The following GOLGA3 variants were observed in gnomAD, a reference collection of about 807,000 sequenced individuals.
GOLGA3 encodes golgin subfamily A member 3.
A neutral mutation model predicts 169.4 loss-of-function variants in GOLGA3; 75 were observed. The observed-to-expected ratio is 0.44, with a 90% confidence interval of 0.37 to 0.54. The LOEUF (loss-of-function observed/expected upper bound fraction) is 0.54, where lower values mean the gene tolerates loss of function less well. Among genes scored for constraint, GOLGA3 ranks in the 20% least tolerant of loss-of-function variants. GOLGA3 has a pLI of 0.00. For missense variants in GOLGA3, 1,899 were observed against 1,930.0 expected (o/e 0.98, Z 0.30); for synonymous variants, 824 against 822.4 (o/e 1.00, Z -0.03).
At chr12:132,819,654 G>A (rs77791445) in intron 2 of GOLGA3, among the ~76,000 whole-genome samples, 14,800 of 152,272 alleles carry the variant, frequency 0.097, 1,546 homozygotes, top group East Asian at 0.5. Context: ...GCCAGACCAC[G>A]GGCACCCGAC....
rs199612097 is a variant in GOLGA3, at chr12:132,801,735, G to C, written c.1800+32C>G. Reference sequence around the variant, plus strand: ...CGTTCTACATGAAGACAAGAAGCGTGACCTGCCCTGGAAGGTAGATGTGGG... The same window carrying C: ...CGTTCTACATGAAGACAAGAAGCGTCACCTGCCCTGGAAGGTAGATGTGGG... On this transcript the variant is annotated intron_variant, in intron 8 of 23. Coordinates refer to ENST00000450791, the MANE Select transcript of GOLGA3 (RefSeq NM_001389683.1). 1.0e-4 allele frequency: 161 copies of C among 1,581,596 alleles called. No individual in the cohort carries two copies. In the East Asian group the frequency reaches 3.5e-3, roughly 35 times the overall value.
chr12:132,787,505 AGC>A (rs1478814628), intron 13 of GOLGA3, among the ~76,000 whole-genome samples: 1 of 125,668 alleles, frequency 8.0e-6, no homozygotes. Context: ...CCTCCCCACA[AGC>A]CCCTGGATCC....
At chr12:132,780,178 C>G (rs2045513019) in intron 18 of GOLGA3, among the ~76,000 whole-genome samples, 1 of 146,646 alleles carries the variant, frequency 6.8e-6, no homozygotes, top group African/African-American at 2.5e-5. Flanking sequence ...GCACAGCCCC[C>G]CGCGTGCACA....
chr12:132,782,180 G>T, intron 17 of GOLGA3, 116 bp downstream of exon 17: 1 of 974,422 alleles, frequency 1.0e-6, no homozygotes, highest in Non-Finnish European at 1.6e-6. Context: ...CTCGGCTGCA[G>T]GCCGGGTGGG....
At chr12:132,773,432 G>GTTGC in intron 23 of GOLGA3, 138 bp from the exon 24 acceptor site, 1 of 451,690 alleles carries the variant, frequency 2.2e-6, no homozygotes, top group South Asian at 4.8e-5. Flanking sequence ...TGAGACCACA[G>GTTGC]AAGCTCAGCT....
rs756309528 is a variant in GOLGA3, at chr12:132,807,164, G to C, written c.1290+13C>G. On this transcript the variant is annotated intron_variant, in intron 6 of 23. Transcript: ENST00000450791. ...TTCGCCGCACGCTGAGATGTCAGTC[G>C]AACGTCCGTTACCTGACTCGCCTCC... 1 of 1,534,052 alleles carries C rather than the reference G, an allele frequency of 6.5e-7. No individual in the cohort carries two copies.
At position 132,804,305 on chromosome 12, in the gene GOLGA3, G is replaced by A. The variant is rs1411074776; in HGVS notation, c.1597+411C>T. ...ACTGGACTTTTGAGGCAGGATCACC[G>A]CAGATACTCCAGGGTCCAAGGTCAA... On this transcript the variant is annotated intron_variant, in intron 7 of 23. Transcript: ENST00000450791. This position sits in a 1 kb window ranked among gnomAD's most constrained non-coding sequence, Gnocchi z 4.1. Among the ~76,000 whole-genome samples, 2 of 152,174 alleles carry A rather than the reference G, an allele frequency of 1.3e-5. No individual in the cohort carries two copies. Among genetic ancestry groups the A allele is most frequent in the Non-Finnish European group, 2.9e-5 (2 of 68,034 alleles).
Position 132,788,031 on chromosome 12 carries a change from C to T in GOLGA3, c.2811+996G>A, listed in dbSNP as rs933777200. 2.4e-4 allele frequency among the ~76,000 whole-genome samples: 37 copies of T among 152,242 alleles called. 1 individual carries two copies. The highest frequency in any genetic ancestry group is 8.7e-4 in the African/African-American group (36 of 41,558). ...CTCCTGTGTGCGAGGCGAGTCCCCA[C>T]AACCAGCCCAGGCCTGCAGCTGTGG... On this transcript the variant is annotated intron_variant, in intron 13 of 23. Transcript: ENST00000450791.
intron 16 of GOLGA3, among the ~76,000 whole-genome samples, chr12:132,782,852 G>A (rs1245962076): frequency 1.3e-5 from 2 of 149,668 alleles, no homozygotes; most frequent in African/African-American, 4.9e-5. Context: ...CTCCAGCCTG[G>A]GCAACACAGC....
At chr12:132,796,249 GC>G in intron 10 of GOLGA3, 29 bp from the exon 11 acceptor site, 3 of 1,560,742 alleles carry the variant, frequency 1.9e-6, no homozygotes, top group Non-Finnish European at 2.6e-6. Flanking sequence ...CCACATGGCT[GC>G]GCCTGACCCT....
Position 132,798,472 on chromosome 12 carries a change from T to A in GOLGA3, c.1806A>T (p.Gly602=), listed in dbSNP as rs780229136. 2.9e-5 allele frequency: 46 copies of A among 1,589,678 alleles called. No homozygotes were observed. The highest frequency in any genetic ancestry group is 5.7e-5 in the Admixed American group (3 of 52,580). The change falls in exon 9 of 24, where the codon GGA becomes GGT. Residue 602 remains glycine (G), a synonymous_variant. Transcript: ENST00000450791. ...CCAGGAGACCTGCCTGGGTCATCTG[T>A]CCAACCTTAAAAAAAAAACCCACAA... ...LQGEMAHIQV[G]QMTQAGLLEH...
intron 7 of GOLGA3, among the ~76,000 whole-genome samples, chr12:132,802,350 A>G (rs1416361960): frequency 6.6e-6 from 1 of 150,688 alleles, no homozygotes; most frequent in Admixed American, 6.6e-5. Flanking sequence ...TCTCTAGGAA[A>G]TAACAGTGGC....
At chr12:132,816,939 A>G in intron 2 of GOLGA3, 127 bp from the exon 3 acceptor site, 1 of 903,252 alleles carries the variant, frequency 1.1e-6, no homozygotes, top group East Asian at 2.7e-5. Flanking sequence ...CTCATCCCAC[A>G]AAGGCTTCAC....
At position 132,783,671 on chromosome 12, in the gene GOLGA3, G is replaced by C. The variant is rs548138184; in HGVS notation, c.3267+493C>G. On this transcript the variant is annotated intron_variant, in intron 16 of 23. Transcript: ENST00000450791. ...TTGGCTCACTGCAACCTCCGCTCCT[G>C]GGTTCAAGCGGTTTACCTGCCTCAG... Among the ~76,000 whole-genome samples, 13 of 152,332 alleles carry C rather than the reference G, an allele frequency of 8.5e-5. No individual in the cohort carries two copies. The East Asian group carries it at 2.3e-3, about 27-fold the overall frequency.
At chr12:132,786,956 C>T (rs1203319538) in intron 13 of GOLGA3, among the ~76,000 whole-genome samples, 169 bp from the exon 14 acceptor site, 1 of 145,246 alleles carries the variant, frequency 6.9e-6, no homozygotes, top group Non-Finnish European at 1.5e-5. Flanking sequence ...ACAAACCACT[C>T]TTTTTTTTTT....
intron 13 of GOLGA3, among the ~76,000 whole-genome samples, chr12:132,788,800 T>A (rs968521): frequency 1.3e-4 from 20 of 152,174 alleles, no homozygotes; most frequent in African/African-American, 4.6e-4. Context: ...CCTGGACTTA[T>A]CAGGCCTCAC....
chr12:132,816,432 G>C, intron 3 of GOLGA3, 108 bp downstream of exon 3: 1 of 1,151,078 alleles, frequency 8.7e-7, no homozygotes, highest in Non-Finnish European at 1.3e-6. Context: ...GCACACGGCA[G>C]GCACAGGCAC....
In GOLGA3 at chr12:132,821,982, A is replaced by C. The variant is rs561543318; in HGVS notation, c.133+14T>G. 1 of 1,581,302 alleles carries C rather than the reference A, an allele frequency of 6.3e-7. No individual in the cohort carries two copies. The highest frequency in any genetic ancestry group is 8.6e-7 in the Non-Finnish European group (1 of 1,162,380). On this transcript the variant is annotated intron_variant, in intron 2 of 23. Coordinates refer to ENST00000450791, the MANE Select transcript of GOLGA3 (RefSeq NM_001389683.1). ...CCTCCTGTGACCAGCACACAGAGGAACCTCACGACTTACACTGGACTTTGT... is the reference window on the plus strand; with the variant it reads ...CCTCCTGTGACCAGCACACAGAGGACCCTCACGACTTACACTGGACTTTGT...
intron 9 of GOLGA3, among the ~76,000 whole-genome samples, chr12:132,797,023 C>T (rs775632387): frequency 2.6e-5 from 4 of 152,246 alleles, no homozygotes; most frequent in Non-Finnish European, 5.9e-5. Context: ...CTCACAAGAG[C>T]GGTGCTTGGT....
Sources: allele counts gnomAD v4.1 joint callset (sites outside exome capture counted in the v4.1 genomes callset), GRCh38; gene constraint gnomAD v4.1.1; non-coding constraint Gnocchi (gnomAD v3.1); transcripts MANE v1.5; gene names NCBI Gene and HGNC (gene_info 2026-07-23, HGNC 2026-07-21).